The following VWF variants were observed in gnomAD, a reference collection of about 807,000 sequenced individuals.
VWF encodes Factor VIII related antigen.
A neutral mutation model predicts 308.6 loss-of-function variants in VWF; 176 were observed. The observed-to-expected ratio is 0.57, with a 90% confidence interval of 0.50 to 0.65. The LOEUF is 0.65. VWF is among the 30% of genes least tolerant of loss of function. The pLI is 0.00. For missense variants in VWF, 3,146 were observed against 3,648.2 expected (o/e 0.86, Z 3.55); for synonymous variants, 1,385 against 1,443.4 (o/e 0.96, Z 0.92).
At chr12:6,071,203 G>A (rs1944776331) in intron 10 of VWF, 94 bp downstream of exon 10, 3 of 1,488,994 alleles carry the variant, frequency 2.0e-6, no homozygotes, top group Non-Finnish European at 2.8e-6. Context: ...ACTTCTCGCT[G>A]CCTTGAGTTG....
At chr12:5,962,612 G>A (rs547826194) in intron 47 of VWF, among the ~76,000 whole-genome samples, 2 of 105,012 alleles carry the variant, frequency 1.9e-5, no homozygotes, top group Admixed American at 8.8e-5. Context: ...GTACAATCTC[G>A]GCTCACTGCA....
rs139711566 is a variant in VWF, at chr12:6,013,538, C to T, written c.5563G>A (p.Glu1855Lys). ...DSNVVKLQRI[E>K]DLPTMVTLGN... ...AAGGTGACCATGGTAGGGAGGTCTT[C>T]GATTCGCTGGAGCTTCACCACGTTG... The change falls in exon 32 of 52, where the codon GAA becomes AAA. Residue 1855 changes from glutamate (E) to lysine (K), a missense_variant. Physicochemically the swap from Glu to Lys is moderately conservative, Grantham distance 56. Coordinates refer to ENST00000261405, the MANE Select transcript of VWF (RefSeq NM_000552.5). The T allele has an allele frequency of 1.9e-6, 3 of 1,613,958 alleles. No individual in the cohort carries two copies. Among genetic ancestry groups the T allele is most frequent in the African/African-American group, 2.7e-5 (2 of 74,886 alleles).
At chr12:6,057,112 G>T (rs368531055) in intron 14 of VWF, 40 bp from the exon 15 acceptor site, 2 of 1,501,948 alleles carry the variant, frequency 1.3e-6, no homozygotes, top group Non-Finnish European at 1.8e-6. Flanking sequence ...GTGGTGGGGA[G>T]GAGTGGGGGC....
At chr12:5,955,588 G>A (rs991056906) in intron 47 of VWF, among the ~76,000 whole-genome samples, 2 of 151,998 alleles carry the variant, frequency 1.3e-5, no homozygotes, top group African/African-American at 4.8e-5. Context: ...TGGTGTATAT[G>A]TGCCACATTT....
chr12:5,966,931 C>T (rs1943410656), intron 47 of VWF, among the ~76,000 whole-genome samples: 1 of 152,220 alleles, frequency 6.6e-6, no homozygotes, highest in African/African-American at 2.4e-5. Context: ...AGTTTCATCT[C>T]CCAAACTAGG....
intron 44 of VWF, among the ~76,000 whole-genome samples, chr12:5,970,331 CTT>C (rs1943458376): frequency 6.6e-6 from 1 of 152,076 alleles, no homozygotes; most frequent in Non-Finnish European, 1.5e-5. Context: ...AAGATGGAGA[CTT>C]GAGGTAGAGG....
At position 6,103,561 on chromosome 12, in the gene VWF, C is replaced by T. The variant is rs913259092; in HGVS notation, c.532+6813G>A. Among the ~76,000 whole-genome samples the T allele has an allele frequency of 6.0e-5, 7 of 116,990 alleles. 1 individual carries two copies. Among genetic ancestry groups the T allele is most frequent in the African/African-American group, 1.3e-4 (2 of 15,778 alleles). 76.7% of individuals were successfully genotyped at this position (116,990 alleles called of 152,430 possible). On this transcript the variant is annotated intron_variant, in intron 5 of 51. Transcript: ENST00000261405. ...ATATATGTATACACACACACACACA[C>T]ACACACACACACACACACACACAGA...
intron 20 of VWF, among the ~76,000 whole-genome samples, chr12:6,033,686 C>T (rs971411889): frequency 2.6e-4 from 40 of 152,206 alleles, no homozygotes; most frequent in African/African-American, 9.4e-4. Context: ...TGGGCCAGCC[C>T]GGGTGTGAGG....
rs61748467 is a variant in VWF at position 6,046,725 on chromosome 12, C to T, written c.2279G>A (p.Arg760His). The change falls in exon 17 of 52, where the codon CGC becomes CAC. Residue 760 changes from arginine to histidine, a missense_variant and splice_region_variant. By Grantham distance (29) the Arg-to-His change is conservative (BLOSUM62 0). Transcript: ENST00000261405. This position sits in a 1 kb window ranked among gnomAD's most constrained non-coding sequence, Gnocchi z 5.0. ...DAVLSSPLSH[R>H]SKRSLSCRPP... is the part of the protein sequence containing the mutation. ...CCTTCCAGGGGGACAGTACTCACTG[C>T]GATGAGACAGGGGACTGCTGAGGAC... is the stretch of plus-strand genomic sequence containing the variant. The T allele has an allele frequency of 1.6e-5, 26 of 1,613,888 alleles. No homozygotes were observed. Among genetic ancestry groups the T allele is most frequent in the African/African-American group, 2.7e-5 (2 of 74,946 alleles).
At chr12:6,031,120 A>G (rs1186839764) in intron 21 of VWF, among the ~76,000 whole-genome samples, 1 of 150,618 alleles carries the variant, frequency 6.6e-6, no homozygotes. Context: ...CACACACACA[A>G]AGAAACCCGG....
chr12:6,028,215 C>T (rs925916190), intron 22 of VWF, among the ~76,000 whole-genome samples: 3 of 152,116 alleles, frequency 2.0e-5, no homozygotes, highest in African/African-American at 4.8e-5. Context: ...ATAGTGGAAC[C>T]GTTCTCAAAA....
In VWF at chr12:6,058,573, G is replaced by A. The variant is rs563517315; in HGVS notation, c.1534-529C>T. Among the ~76,000 whole-genome samples, 3 of 152,258 alleles carry A rather than the reference G, an allele frequency of 2.0e-5. No homozygotes were observed. In the East Asian group the frequency reaches 5.8e-4, roughly 29 times the overall value. On this transcript the variant is annotated intron_variant, in intron 13 of 51. Coordinates refer to ENST00000261405, the MANE Select transcript of VWF (RefSeq NM_000552.5). The surrounding 1 kb of genome is among the most constrained non-coding windows in gnomAD (Gnocchi z 4.9). ...GGTCCAAGCCCTCCGGGAGCTCACG[G>A]TTAATGACAAGAAACACCTCCCCAC...
intron 22 of VWF, among the ~76,000 whole-genome samples, chr12:6,028,737 C>T (rs1294778967): frequency 1.3e-5 from 2 of 152,140 alleles, no homozygotes; most frequent in Non-Finnish European, 2.9e-5. Flanking sequence ...ACCAGGCCTG[C>T]CTTACAAGAG....
rs554350256 is a variant in VWF, at chr12:6,091,447, A to C, written c.657+4013T>G. On this transcript the variant is annotated intron_variant, in intron 6 of 51. Coordinates refer to ENST00000261405, the MANE Select transcript of VWF (RefSeq NM_000552.5). Reference sequence around the variant, plus strand: ...TCACAATCCCTAGATAAATTACACCACCAATTTCCATTCATCCACCCATCC... The same window carrying C: ...TCACAATCCCTAGATAAATTACACCCCCAATTTCCATTCATCCACCCATCC... Among the ~76,000 whole-genome samples, 11 of 152,328 alleles carry C rather than the reference A, an allele frequency of 7.2e-5. No homozygotes were observed. In the East Asian group the frequency reaches 2.1e-3, roughly 29 times the overall value.
At chr12:6,051,495 C>T (rs985422601) in intron 16 of VWF, among the ~76,000 whole-genome samples, 22 of 152,146 alleles carry the variant, frequency 1.4e-4, no homozygotes, top group African/African-American at 4.6e-4. Flanking sequence ...AGGATGGTCT[C>T]GATCTACTGA....
Position 6,087,556 on chromosome 12 carries a change from G to A in VWF, c.657+7904C>T, listed in dbSNP as rs1253845770. Among the ~76,000 whole-genome samples, 19 of 145,836 alleles carry A rather than the reference G, an allele frequency of 1.3e-4. 1 individual carries two copies. The East Asian group carries it at 2.5e-3, about 19-fold the overall frequency. Reference sequence around the variant, plus strand: ...TTTTTTTTGTATTGTTAGTAGAGACGGGGCTTCACTGTGTTAGCCAGGATG... The same window carrying A: ...TTTTTTTTGTATTGTTAGTAGAGACAGGGCTTCACTGTGTTAGCCAGGATG... On this transcript the variant is annotated intron_variant, in intron 6 of 51. Coordinates refer to ENST00000261405, the MANE Select transcript of VWF (RefSeq NM_000552.5).
In VWF at chr12:6,023,612, T is replaced by C. The variant is rs1944155470; in HGVS notation, c.3379+19A>G. ...GAAGAAGGGAGGGCATCTGAGAACA[T>C]GAGGGCGTCAGTACTCACGGCACAA... On this transcript the variant is annotated intron_variant, in intron 25 of 51. Coordinates refer to ENST00000261405, the MANE Select transcript of VWF (RefSeq NM_000552.5). 6.2e-7 allele frequency: 1 copy of C among 1,613,584 alleles called. No individual in the cohort carries two copies. The highest frequency in any genetic ancestry group is 8.5e-7 in the Non-Finnish European group (1 of 1,179,948).
rs1944676791 is a variant in VWF at position 6,063,311 on chromosome 12, C to T, written c.1433-257G>A. Among the ~76,000 whole-genome samples the T allele has an allele frequency of 6.6e-6, 1 of 152,110 alleles. No individual in the cohort carries two copies. Among genetic ancestry groups the T allele is most frequent in the South Asian group, 2.1e-4 (1 of 4,830 alleles). On this transcript the variant is annotated intron_variant, in intron 12 of 51. Transcript: ENST00000261405. This position sits in a 1 kb window ranked among gnomAD's most constrained non-coding sequence, Gnocchi z 4.9. ...CTATGACCTGCCATTCCCCCTACTG[C>T]CACAGGAGGGAGGCAGAGGCTCCTG... is the stretch of plus-strand genomic sequence containing the variant.
At chr12:6,089,678 T>C (rs1225448138) in intron 6 of VWF, among the ~76,000 whole-genome samples, 1 of 152,218 alleles carries the variant, frequency 6.6e-6, no homozygotes, top group African/African-American at 2.4e-5. Flanking sequence ...ATCATTCCTT[T>C]GTATTCCGAG....
Sources: gnomAD v4.1 joint callset for allele counts (sites outside exome capture counted in the v4.1 genomes callset) on GRCh38, gnomAD v4.1.1 for gene constraint, Gnocchi (gnomAD v3.1) non-coding constraint, MANE v1.5 for transcripts, NCBI Gene and HGNC (gene_info 2026-07-23, HGNC 2026-07-21) for gene names.